RBM47: variants seen among roughly 807,000 people sequenced by gnomAD.
RBM47 encodes the protein RNA-binding protein 47.
In RBM47, 21 loss-of-function variants were observed where a neutral mutation model predicts 47.1. That is an observed-to-expected ratio of 0.45 (90% CI 0.32 to 0.64). The LOEUF (loss-of-function observed/expected upper bound fraction) is 0.64. Among genes scored for constraint, RBM47 ranks in the 30% least tolerant of loss-of-function variants. The probability of loss-of-function intolerance (pLI) is 0.05; values close to 1 mark genes in which losing one functional copy is unlikely to be tolerated. For synonymous variants in RBM47, 375 were observed against 361.7 expected, an observed-to-expected ratio of 1.04 and a Z score of -0.42; for missense variants, 708 against 870.9, an observed-to-expected ratio of 0.81 and a Z score of 2.35.
At chr4:40,615,737 C>T (rs1736660882) in intron 1 of RBM47, among the ~76,000 whole-genome samples, 2 of 151,998 alleles carry the variant, frequency 1.3e-5, no homozygotes, top group Admixed American at 6.5e-5. Flanking sequence ...GCCAAGATCA[C>T]GCCACTGCAC....
intron 1 of RBM47, among the ~76,000 whole-genome samples, chr4:40,576,768 C>T (rs370496705): frequency 1.3e-5 from 2 of 152,130 alleles, no homozygotes; most frequent in South Asian, 2.1e-4. Context: ...GGTTGTTTCA[C>T]TTTCTAGATA....
Position 40,438,604 on chromosome 4 carries a change from A to T in RBM47, c.290T>A (p.Ile97Asn). 1 of 1,613,862 alleles carries T rather than the reference A, an allele frequency of 6.2e-7. No individual in the cohort carries two copies. The highest frequency in any genetic ancestry group is 8.5e-7 in the Non-Finnish European group (1 of 1,179,924). The stretch of plus-strand genomic sequence containing the variant: ...GTCCATCATGAGGCGCAGCTCGTAG[A>T]TGCGGCCCACGGCCTCGAACACGGG... ...LVPVFEAVGRIYELRLMMDFD... is the reference protein window; with the variant it reads ...LVPVFEAVGRNYELRLMMDFD... The change falls in exon 4 of 7, where the codon ATC (isoleucine) becomes AAC (asparagine). Residue 97 changes from isoleucine to asparagine, a missense_variant. Transcript: ENST00000295971.
chr4:40,551,809 C>T (rs1729592778), intron 1 of RBM47, among the ~76,000 whole-genome samples: 1 of 151,942 alleles, frequency 6.6e-6, no homozygotes, highest in Admixed American at 6.6e-5. Flanking sequence ...CCACCACATC[C>T]AGCTAACTTT....
At chr4:40,441,244 A>G (rs1713598772) in intron 3 of RBM47, among the ~76,000 whole-genome samples, 1 of 147,914 alleles carries the variant, frequency 6.8e-6, no homozygotes, top group Non-Finnish European at 1.5e-5. Context: ...GGCAATATAG[A>G]AAGACCTCGT....
At chr4:40,523,941 A>G (rs1726462032) in intron 2 of RBM47, among the ~76,000 whole-genome samples, 1 of 152,148 alleles carries the variant, frequency 6.6e-6, no homozygotes, top group African/African-American at 2.4e-5. Flanking sequence ...CAGGGTGCCC[A>G]ATTAAACTTG....
chr4:40,516,129 C>A (rs1725540993), intron 2 of RBM47, among the ~76,000 whole-genome samples: 2 of 152,114 alleles, frequency 1.3e-5, no homozygotes, highest in Non-Finnish European at 2.9e-5. Context: ...GCTGACCCGC[C>A]TCCTAACGCC....
At chr4:40,436,396 G>GT in intron 5 of RBM47, 45 bp downstream of exon 5, 5 of 1,561,200 alleles carry the variant, frequency 3.2e-6, no homozygotes, top group Non-Finnish European at 4.4e-6. Context: ...AGAAGGGCTG[G>GT]GGTTTATGCT....
At chr4:40,498,057 TATATA>T (rs1560421199) in intron 2 of RBM47, among the ~76,000 whole-genome samples, 15 of 66,358 alleles carry the variant, frequency 2.3e-4, no homozygotes, top group South Asian at 9.8e-4. Flanking sequence ...GCTTGTTTTA[TATATA>T]TATATATATA....
At chr4:40,449,401 G>A (rs1049957924) in intron 3 of RBM47, among the ~76,000 whole-genome samples, 15 of 152,170 alleles carry the variant, frequency 9.9e-5, no homozygotes, top group Non-Finnish European at 1.3e-4. Flanking sequence ...TTCATAATGG[G>A]TCTTAATTGT....
At chr4:40,626,724 A>C (rs959784639) in intron 1 of RBM47, among the ~76,000 whole-genome samples, 2 of 152,174 alleles carry the variant, frequency 1.3e-5, no homozygotes, top group East Asian at 1.9e-4. Flanking sequence ...AGACGCTCAC[A>C]GAATAGACGG....
chr4:40,552,157 G>T (rs1178809832), intron 1 of RBM47, among the ~76,000 whole-genome samples: 1 of 152,022 alleles, frequency 6.6e-6, no homozygotes, highest in Non-Finnish European at 1.5e-5. Flanking sequence ...CCAGCACTTT[G>T]GGAGGCTGAG....
At chr4:40,549,967 G>GT (rs1277280517) in intron 1 of RBM47, among the ~76,000 whole-genome samples, 2 of 152,196 alleles carry the variant, frequency 1.3e-5, no homozygotes, top group Admixed American at 6.6e-5. Context: ...ACCGTGCGCA[G>GT]TAATAAATGT....
intron 1 of RBM47, among the ~76,000 whole-genome samples, chr4:40,554,010 TCA>T (rs1288708275): frequency 1.3e-5 from 2 of 152,094 alleles, no homozygotes; most frequent in African/African-American, 4.8e-5. Flanking sequence ...TTCTCCAAGC[TCA>T]CATAGAAATG....
intron 3 of RBM47, among the ~76,000 whole-genome samples, chr4:40,462,497 C>T (rs943264330): frequency 6.6e-6 from 1 of 152,088 alleles, no homozygotes; most frequent in Non-Finnish European, 1.5e-5. Flanking sequence ...TCTACCCCTG[C>T]TGTTCTCTTT....
At chr4:40,512,370 C>A (rs113987028) in intron 2 of RBM47, among the ~76,000 whole-genome samples, 4,071 of 128,830 alleles carry the variant, frequency 0.032, 117 homozygotes, top group African/African-American at 0.074. Flanking sequence ...GCCGAGATTG[C>A]GCCACTGCAT....
intron 2 of RBM47, among the ~76,000 whole-genome samples, chr4:40,531,852 G>A (rs1323457155): frequency 3.3e-5 from 5 of 152,088 alleles, no homozygotes; most frequent in Non-Finnish European, 7.4e-5. Context: ...TAGTGCGAAT[G>A]AAGAGGAAAG....
chr4:40,479,665 T>C (rs1720108299), intron 2 of RBM47, among the ~76,000 whole-genome samples: 1 of 151,800 alleles, frequency 6.6e-6, no homozygotes, highest in Non-Finnish European at 1.5e-5. Context: ...GCATCCTTGG[T>C]TTATTTACTC....
chr4:40,494,485 A>G (rs1295714121), intron 2 of RBM47, among the ~76,000 whole-genome samples: 1 of 152,216 alleles, frequency 6.6e-6, no homozygotes, highest in African/African-American at 2.4e-5. Context: ...TCAGCTGTAC[A>G]GAGATAATCC....
chr4:40,484,446 T>C (rs907494128), intron 2 of RBM47, among the ~76,000 whole-genome samples: 4 of 146,424 alleles, frequency 2.7e-5, no homozygotes, highest in Middle Eastern at 3.4e-3. Flanking sequence ...CCCCCACCCA[T>C]TGGGTTTCCT....
Sources: allele counts gnomAD v4.1 joint callset (sites outside exome capture counted in the v4.1 genomes callset), GRCh38; gene constraint gnomAD v4.1.1; transcripts MANE v1.5; gene names NCBI Gene and HGNC (gene_info 2026-07-23, HGNC 2026-07-21).